The following NAV1 variants were observed in gnomAD, a reference collection of about 807,000 sequenced individuals.
The protein encoded by NAV1 is pore membrane and/or filament interacting like protein 3.
Under a neutral mutation model 175.2 loss-of-function variants are expected in NAV1, and 18 were observed. The observed-to-expected ratio is 0.10, with a 90% CI of 0.07 to 0.15. The LOEUF is 0.15. Among genes scored for constraint, NAV1 ranks in the 10% least tolerant of loss-of-function variants. The pLI is 1.00. For missense variants in NAV1, 1,731 were observed against 2,436.6 expected, an observed-to-expected ratio of 0.71 and a Z score of 6.10; for synonymous variants, 897 against 978.7, an observed-to-expected ratio of 0.92 and a Z score of 1.56.
In NAV1 at chr1:201,648,622, C is replaced by A. The variant is rs760048457; in HGVS notation, c.-47C>A. 4 of 1,292,010 alleles carry A rather than the reference C, an allele frequency of 3.1e-6. No individual in the cohort carries two copies. The East Asian group carries it at 1.2e-4, about 40-fold the overall frequency. The allele number at this position is 1,292,010 out of a possible 1,614,324, so 80.0% of individuals were successfully genotyped here. On this transcript the variant is annotated 5_prime_UTR_variant, in exon 1 of 30. Transcript: ENST00000367296. ...CGCTCCCGCCCCCTGCCCCCTCCCC[C>A]CGTGCCTGCAGACGCGCGGATCGTC...
intron 1 of NAV1, among the ~76,000 whole-genome samples, chr1:201,662,628 G>T (rs1363481866): frequency 6.6e-6 from 1 of 152,216 alleles, no homozygotes; most frequent in African/African-American, 2.4e-5. Flanking sequence ...AGCAGGGGGG[G>T]TAATTATATG....
intron 3 of NAV1, among the ~76,000 whole-genome samples, chr1:201,754,599 G>C (rs1674339538): frequency 6.6e-6 from 1 of 152,184 alleles, no homozygotes; most frequent in Admixed American, 6.5e-5. Flanking sequence ...GAGTGTAGTA[G>C]TTGAAAGGAG....
chr1:201,597,634 C>G (rs768123184), intron 2 of NAV1, among the ~76,000 whole-genome samples: 3 of 152,118 alleles, frequency 2.0e-5, no homozygotes, highest in African/African-American at 7.2e-5. Context: ...TGCAGAGCCC[C>G]TGCTCCACCA....
chr1:201,819,875 C>T, exon 30 of NAV1: 1 of 1,614,194 alleles, frequency 6.2e-7, no homozygotes. Context: ...CTGCCAACTA[C>T]ATTGAGTCTC....
chr1:201,642,167 C>CCCTCCATT (rs754218887), intron 2 of NAV1, among the ~76,000 whole-genome samples: 14 of 116,502 alleles, frequency 1.2e-4, no homozygotes, highest in Non-Finnish European at 1.7e-5. Flanking sequence ...TCTCTCCCCT[C>CCCTCCATT]CCTTCCTTCC....
intron 1 of NAV1, among the ~76,000 whole-genome samples, chr1:201,578,882 C>T (rs1319586550): frequency 6.6e-6 from 1 of 152,102 alleles, no homozygotes; most frequent in African/African-American, 2.4e-5. Flanking sequence ...CTTCTAATCC[C>T]AGCACTTTGG....
At chr1:201,731,947 A>C (rs958206281) in intron 3 of NAV1, among the ~76,000 whole-genome samples, 1 of 152,166 alleles carries the variant, frequency 6.6e-6, no homozygotes, top group African/African-American at 2.4e-5. Context: ...TGCTGGAGTG[A>C]ACTTTCCTCT....
intron 1 of NAV1, among the ~76,000 whole-genome samples, chr1:201,577,027 G>A (rs1666709966): frequency 6.6e-6 from 1 of 152,122 alleles, no homozygotes; most frequent in African/African-American, 2.4e-5. Context: ...GTTTTGCTCT[G>A]TCATCTAGGC....
At position 201,740,834 on chromosome 1, in the gene NAV1, C is replaced by T. The variant is rs1673373829; in HGVS notation, c.1226+22079C>T. On this transcript the variant is annotated intron_variant, in intron 3 of 29. Coordinates refer to ENST00000367296, the Ensembl canonical transcript of NAV1. The surrounding 1 kb of genome is among the most constrained non-coding windows in gnomAD (Gnocchi z 4.7). ...ACAGCTGGCCCTGGGACTCTCTGAG[C>T]TGACTTGGAAACTGCACTTCCAAGG... is the stretch of plus-strand genomic sequence containing the variant. Among the ~76,000 whole-genome samples the T allele has an allele frequency of 6.6e-6, 1 of 152,070 alleles. No homozygotes were observed. Among genetic ancestry groups the T allele is most frequent in the Admixed American group, 6.6e-5 (1 of 15,264 alleles).
intron 2 of NAV1, among the ~76,000 whole-genome samples, chr1:201,600,003 G>A (rs775516855): frequency 2.0e-5 from 3 of 152,306 alleles, no homozygotes; most frequent in South Asian, 2.1e-4. Flanking sequence ...GCTCTGAACC[G>A]AGGAGACAGC....
At position 201,718,007 on chromosome 1, in the gene NAV1, A is replaced by ATGG. The variant is rs1672209708; in HGVS notation, c.861-382_861-381insGGT. On this transcript the variant is annotated intron_variant, in intron 2 of 29. Transcript: ENST00000367296. The surrounding 1 kb of genome is among the most constrained non-coding windows in gnomAD (Gnocchi z 4.8). The stretch of plus-strand genomic sequence containing the variant: ...GTACATATGTGATCCTTACAACTCT[A>ATGG]TAAGGTAGATGTTATGCCATTATCC... Among the ~76,000 whole-genome samples, 3 of 152,194 alleles carry ATGG rather than the reference A, an allele frequency of 2.0e-5. No individual in the cohort carries two copies. In the South Asian group the frequency reaches 6.2e-4, roughly 31 times the overall value.
intron 1 of NAV1, among the ~76,000 whole-genome samples, chr1:201,580,084 G>GAGGAGAAAACTGTCCCAGCTCC (rs1666804091): frequency 6.6e-6 from 1 of 152,234 alleles, no homozygotes; most frequent in African/African-American, 2.4e-5. Flanking sequence ...CCAAGGGCAA[G>GAGGAGAAAACTGTCCCAGCTCC]AGGAGAAAAC....
At chr1:201,595,635 T>C (rs1667328220) in intron 2 of NAV1, among the ~76,000 whole-genome samples, 1 of 152,206 alleles carries the variant, frequency 6.6e-6, no homozygotes, top group Non-Finnish European at 1.5e-5. Context: ...GGCACAGCAG[T>C]GTGCACTGTC....
At chr1:201,670,229 A>C (rs1423006674) in intron 1 of NAV1, among the ~76,000 whole-genome samples, 1 of 151,406 alleles carries the variant, frequency 6.6e-6, no homozygotes, top group African/African-American at 2.4e-5. Context: ...AATACAAAAA[A>C]ATTAGCCGGG....
intron 3 of NAV1, among the ~76,000 whole-genome samples, chr1:201,759,823 C>T (rs1305709263): frequency 2.6e-5 from 4 of 152,190 alleles, no homozygotes; most frequent in African/African-American, 7.2e-5. Context: ...CCTACCTTCT[C>T]GTGACCACTT....
intron 1 of NAV1, among the ~76,000 whole-genome samples, chr1:201,667,818 G>A (rs1669886578): frequency 6.6e-6 from 1 of 152,176 alleles, no homozygotes; most frequent in African/African-American, 2.4e-5. Flanking sequence ...AAACCTGAGG[G>A]GTGGTCAGAG....
At chr1:201,592,211 C>A (rs545210415) in intron 2 of NAV1, among the ~76,000 whole-genome samples, 1 of 152,322 alleles carries the variant, frequency 6.6e-6, no homozygotes, top group South Asian at 2.1e-4. Context: ...CCTCTCACTG[C>A]CTCCCGCTAG....
rs12093168 is a variant in NAV1, at chr1:201,662,625, G to A, written c.757+13200G>A. On this transcript the variant is annotated intron_variant, in intron 1 of 29. Coordinates refer to ENST00000367296, the Ensembl canonical transcript of NAV1. ...AATGGGGCTTGTACCCACAGCAGGG[G>A]GGGTAATTATATGGATTATCTAGAA... Among the ~76,000 whole-genome samples the A allele has an allele frequency of 1.1e-3, 165 of 152,312 alleles. 1 individual carries two copies. The highest frequency in any genetic ancestry group is 3.9e-3 in the African/African-American group (162 of 41,556).
intron 1 of NAV1, among the ~76,000 whole-genome samples, chr1:201,687,657 G>A (rs900891104): frequency 6.6e-6 from 1 of 152,196 alleles, no homozygotes; most frequent in Non-Finnish European, 1.5e-5. Flanking sequence ...CATATTTCAT[G>A]GTAGAGCCAA....
Sources: gnomAD v4.1 joint callset for allele counts (sites outside exome capture counted in the v4.1 genomes callset) on GRCh38, gnomAD v4.1.1 for gene constraint, Gnocchi (gnomAD v3.1) non-coding constraint, MANE v1.5 for transcripts, NCBI Gene and HGNC (gene_info 2026-07-23, HGNC 2026-07-21) for gene names.